HDAC1: variants seen among roughly 807,000 people sequenced by gnomAD.
HDAC1 encodes histone deacetylase 1.
In HDAC1, 18 loss-of-function variants were observed where a neutral mutation model predicts 65.5. The ratio of observed to expected loss-of-function variants is 0.27; its 90% CI spans 0.19 to 0.41. The LOEUF is 0.41. Among genes scored for constraint, HDAC1 ranks in the 10% least tolerant of loss-of-function variants. HDAC1 has a pLI of 1.00. For missense variants in HDAC1, 373 were observed against 625.2 expected, an observed-to-expected ratio of 0.60 and a Z score of 4.30; for synonymous variants, 211 against 227.9, an observed-to-expected ratio of 0.93 and a Z score of 0.67.
intron 1 of HDAC1, among the ~76,000 whole-genome samples, chr1:32,293,245 C>T (rs963229590): frequency 6.6e-6 from 1 of 150,768 alleles, no homozygotes; most frequent in African/African-American, 2.4e-5. Context: ...CCTTAGAACC[C>T]GGGAGGCAGA....
chr1:32,326,080 GTATT>G (rs1641213482), intron 4 of HDAC1, among the ~76,000 whole-genome samples: 1 of 152,100 alleles, frequency 6.6e-6, no homozygotes, highest in Non-Finnish European at 1.5e-5. Context: ...ACATGGGTGT[GTATT>G]TATCTTTTAC....
chr1:32,294,659 C>T (rs956502857), intron 1 of HDAC1, among the ~76,000 whole-genome samples: 9 of 151,784 alleles, frequency 5.9e-5, no homozygotes, highest in Non-Finnish European at 1.5e-5. Context: ...GGACTACAGG[C>T]GCCCGCCACC....
At chr1:32,311,221 G>A (rs1640986539) in intron 2 of HDAC1, among the ~76,000 whole-genome samples, 1 of 152,024 alleles carries the variant, frequency 6.6e-6, no homozygotes. Context: ...TAACCCTGGC[G>A]CTTTGGGAAG....
rs565534358 is a variant in HDAC1, at chr1:32,330,894, C to T, written c.965C>T (p.Thr322Met). ...WTYETAVALD[T>M]EIPNELPYND... ...TATGAGACAGCTGTGGCCCTGGATA[C>T]GGAGATCCCTAATGGTAATAGCTGC... The change falls in exon 9 of 14, where the codon ACG (threonine) becomes ATG (methionine). Residue 322 changes from threonine to methionine, a missense_variant. Thr to Met is a moderately conservative substitution (Grantham distance 81). Coordinates refer to ENST00000373548, the MANE Select transcript of HDAC1 (RefSeq NM_004964.3). This position sits in a 1 kb window ranked among gnomAD's most constrained non-coding sequence, Gnocchi z 4.2. 295 of 1,614,096 alleles carry T rather than the reference C, an allele frequency of 1.8e-4. No homozygotes were observed. Among genetic ancestry groups the T allele is most frequent in the Non-Finnish European group, 2.3e-4 (271 of 1,179,994 alleles).
chr1:32,304,229 G>C (rs1252935048), intron 2 of HDAC1, among the ~76,000 whole-genome samples: 1 of 152,190 alleles, frequency 6.6e-6, no homozygotes, highest in Admixed American at 6.5e-5. Flanking sequence ...AAGGAGATGA[G>C]TGTTCTTTCC....
At chr1:32,323,386 C>T (rs1641175234) in intron 3 of HDAC1, among the ~76,000 whole-genome samples, 1 of 151,988 alleles carries the variant, frequency 6.6e-6, no homozygotes, top group South Asian at 2.1e-4. Context: ...AACCTGTTTC[C>T]CTACTTATTT....
At chr1:32,311,357 A>C (rs768474465) in intron 2 of HDAC1, among the ~76,000 whole-genome samples, 1 of 152,006 alleles carries the variant, frequency 6.6e-6, no homozygotes, top group Non-Finnish European at 1.5e-5. Context: ...AATCCCAGCT[A>C]CTCAGGAGTC....
chr1:32,332,844 C>T, intron 13 of HDAC1, 95 bp downstream of exon 13: 2 of 1,280,522 alleles, frequency 1.6e-6, no homozygotes, highest in Non-Finnish European at 2.2e-6. Context: ...ACAGCTGGTC[C>T]AGCTTACAAA....
intron 2 of HDAC1, among the ~76,000 whole-genome samples, chr1:32,311,025 G>C (rs553339072): frequency 9.7e-4 from 148 of 152,230 alleles, no homozygotes; most frequent in Non-Finnish European, 1.8e-3. Flanking sequence ...TAAGAAGGAG[G>C]CTAGTATACC....
At chr1:32,309,586 C>G (rs1640960802) in intron 2 of HDAC1, among the ~76,000 whole-genome samples, 1 of 150,148 alleles carries the variant, frequency 6.7e-6, no homozygotes, top group African/African-American at 2.5e-5. Flanking sequence ...ACTCAGGAGG[C>G]TGAGGCAGGA....
intron 1 of HDAC1, among the ~76,000 whole-genome samples, chr1:32,297,845 A>C (rs1640790055): frequency 7.8e-6 from 1 of 127,864 alleles, no homozygotes; most frequent in South Asian, 2.5e-4. Context: ...GCTGGAGCGC[A>C]GTGGCGCGAT....
chr1:32,322,669 C>T (rs539442539), intron 3 of HDAC1, among the ~76,000 whole-genome samples: 474 of 152,312 alleles, frequency 3.1e-3, no homozygotes, highest in Non-Finnish European at 5.6e-3. Context: ...GTTTTCATTT[C>T]ATTTGCCTTA....
rs763077809 is a variant in HDAC1 at position 32,327,128 on chromosome 1, C to G, written c.494+51C>G. 4.4e-6 allele frequency: 7 copies of G among 1,594,482 alleles called. No individual in the cohort carries two copies. The highest frequency in any genetic ancestry group is 6.0e-6 in the Non-Finnish European group (7 of 1,166,228). On this transcript the variant is annotated intron_variant, in intron 5 of 13. Transcript: ENST00000373548. The surrounding 1 kb of genome is among the most constrained non-coding windows in gnomAD (Gnocchi z 6.0). ...GGAAGAGCACCTTAGGCCAGGTTCCCATTTCCCTCTTCCCCTGGGCTTGCC... is the reference window on the plus strand; with the variant it reads ...GGAAGAGCACCTTAGGCCAGGTTCCGATTTCCCTCTTCCCCTGGGCTTGCC...
chr1:32,313,896 C>T (rs1266111019), intron 2 of HDAC1, among the ~76,000 whole-genome samples: 1 of 152,156 alleles, frequency 6.6e-6, no homozygotes, highest in Non-Finnish European at 1.5e-5. Context: ...AGGTTGGTTC[C>T]TTGTGTTGAG....
chr1:32,292,113 A>G lies in HDAC1; in HGVS notation c.-57A>G, dbSNP rs2124391577. ...CCCCCCTGGGTCGGACGCTGAGCGG[A>G]GCCGCGGGCGGGAGGGCGGACGGAC... On this transcript the variant is annotated 5_prime_UTR_variant, in exon 1 of 14. Transcript: ENST00000373548. 3.3e-6 allele frequency: 5 copies of G among 1,524,474 alleles called. No individual in the cohort carries two copies. The highest frequency in any genetic ancestry group is 4.4e-6 in the Non-Finnish European group (5 of 1,126,612). The allele number at this position is 1,524,474 out of a possible 1,614,324, so 94.4% of individuals were successfully genotyped here.
In HDAC1 at chr1:32,327,751, A is replaced by T. The variant is rs771854150; in HGVS notation, c.636+74A>T. The T allele has an allele frequency of 1.2e-5, 17 of 1,425,586 alleles. No homozygotes were observed. Among genetic ancestry groups the T allele is most frequent in the Non-Finnish European group, 1.7e-5 (17 of 1,011,908 alleles). 88.3% of individuals were successfully genotyped at this position (1,425,586 alleles called of 1,614,324 possible). ...CTACTTCTCTCTCCTATCTCATGCC[A>T]CTAAAAATTGCTTCTTGCCTCTTCT... On this transcript the variant is annotated intron_variant, in intron 6 of 13. Coordinates refer to ENST00000373548, the MANE Select transcript of HDAC1 (RefSeq NM_004964.3). The surrounding 1 kb of genome is among the most constrained non-coding windows in gnomAD (Gnocchi z 6.0).
intron 1 of HDAC1, among the ~76,000 whole-genome samples, chr1:32,292,930 T>C (rs1478549220): frequency 6.6e-6 from 1 of 152,040 alleles, no homozygotes; most frequent in Non-Finnish European, 1.5e-5. Flanking sequence ...GGGGACATCT[T>C]AGTTAGGACC....
intron 2 of HDAC1, among the ~76,000 whole-genome samples, chr1:32,304,809 C>T (rs1431407589): frequency 6.6e-6 from 1 of 152,122 alleles, no homozygotes; most frequent in East Asian, 1.9e-4. Context: ...AGCAATCCGC[C>T]TGCCTCGGCC....
In HDAC1 at chr1:32,330,325, T is replaced by C. The variant is rs1285335683; in HGVS notation, c.730-253T>C. The stretch of plus-strand genomic sequence containing the variant: ...TGGGCAACAGAAGAGACTTAGGGAG[T>C]TGAGAGGGAGGCCATTCTAGGTTCA... On this transcript the variant is annotated intron_variant, in intron 7 of 13. Coordinates refer to ENST00000373548, the MANE Select transcript of HDAC1 (RefSeq NM_004964.3). This position sits in a 1 kb window ranked among gnomAD's most constrained non-coding sequence, Gnocchi z 4.2. 2.2e-6 allele frequency: 1 copy of C among 447,522 alleles called. No individual in the cohort carries two copies. The highest frequency in any genetic ancestry group is 4.1e-6 in the Non-Finnish European group (1 of 243,288). The allele number at this position is 447,522 out of a possible 1,614,324, so 27.7% of individuals were successfully genotyped here.
Sources: allele counts gnomAD v4.1 joint callset (sites outside exome capture counted in the v4.1 genomes callset), GRCh38; gene constraint gnomAD v4.1.1; non-coding constraint Gnocchi (gnomAD v3.1); transcripts MANE v1.5; gene names NCBI Gene and HGNC (gene_info 2026-07-23, HGNC 2026-07-21).